The following ZFR variants were observed in gnomAD, a reference collection of about 807,000 sequenced individuals.
ZFR encodes the protein zinc finger RNA-binding protein.
ZFR carries 19 observed loss-of-function variants against 130.7 expected under a neutral mutation model. That is an observed-to-expected ratio of 0.15 (90% CI 0.10 to 0.21). The LOEUF (loss-of-function observed/expected upper bound fraction) is 0.21. ZFR is among the 10% of genes least tolerant of loss of function. The pLI is 1.00. For missense variants in ZFR, 872 were observed against 1,321.5 expected, an observed-to-expected ratio of 0.66 and a Z score of 5.27; for synonymous variants, 466 against 456.9, an observed-to-expected ratio of 1.02 and a Z score of -0.25.
chr5:32,365,334 T>C (rs2111664490), intron 17 of ZFR, among the ~76,000 whole-genome samples: 1 of 152,266 alleles, frequency 6.6e-6, no homozygotes, highest in Non-Finnish European at 1.5e-5. Context: ...AAAAACTGCG[T>C]CAACCTATTC....
At chr5:32,390,561 C>T (rs1272421432) in intron 11 of ZFR, 124 bp from the exon 12 acceptor site, 1 of 926,248 alleles carries the variant, frequency 1.1e-6, no homozygotes, top group Non-Finnish European at 1.5e-6. Context: ...AATTTCTTCC[C>T]AAATGTATCT....
chr5:32,398,890 A>C (rs552339484), intron 9 of ZFR, among the ~76,000 whole-genome samples: 27 of 152,104 alleles, frequency 1.8e-4, no homozygotes, highest in African/African-American at 6.5e-4. Context: ...GGCCTCCCAA[A>C]GTGCTGCAAT....
rs1460023900 is a variant in ZFR, at chr5:32,419,924, T to C, written c.317A>G (p.Tyr106Cys). The change falls in exon 3 of 20, where the codon TAT becomes TGT. Residue 106 changes from tyrosine (Y) to cysteine (C), a missense_variant. Transcript: ENST00000265069. The part of the protein sequence containing the change: ...AVAAAATAAA[Y>C]GGYPTAHTAT... ...TGTGTGTGCAGTGGGGTAGCCTCCA[T>C]AAGCAGCAGCTGTTGCAGCAGCTGC... 1.2e-6 allele frequency: 2 copies of C among 1,613,896 alleles called. No homozygotes were observed. Among genetic ancestry groups the C allele is most frequent in the Non-Finnish European group, 1.7e-6 (2 of 1,179,940 alleles).
intron 17 of ZFR, among the ~76,000 whole-genome samples, chr5:32,375,390 A>G (rs536724823): frequency 1.3e-5 from 2 of 152,240 alleles, no homozygotes; most frequent in Non-Finnish European, 2.9e-5. Flanking sequence ...TACAATCAGT[A>G]ACGTATCATA....
intron 2 of ZFR, among the ~76,000 whole-genome samples, chr5:32,426,060 A>C (rs1422876672): frequency 2.6e-5 from 4 of 152,220 alleles, no homozygotes; most frequent in Admixed American, 6.5e-5. Context: ...GAAATTGCTT[A>C]ATTCATTAAT....
At chr5:32,389,978 C>CT (rs1247257475) in intron 12 of ZFR, among the ~76,000 whole-genome samples, 2 of 152,128 alleles carry the variant, frequency 1.3e-5, no homozygotes, top group African/African-American at 2.4e-5. Flanking sequence ...TGGCGAAACT[C>CT]TATCTCTACT....
intron 17 of ZFR, 68 bp downstream of exon 17, chr5:32,379,047 C>T (rs1752884923): frequency 1.7e-6 from 2 of 1,201,254 alleles, no homozygotes; most frequent in African/African-American, 3.0e-5. Context: ...TACATGTAAA[C>T]TGAGAGGATA....
At position 32,399,864 on chromosome 5, in the gene ZFR, T is replaced by A. The variant is rs111327045; in HGVS notation, c.1713+143A>T. 3,950 of 766,116 alleles carry A rather than the reference T, an allele frequency of 5.2e-3. 117 individuals carry two copies. The African/African-American group carries it at 0.065, about 13-fold the overall frequency. 47.5% of individuals were successfully genotyped at this position (766,116 alleles called of 1,614,324 possible). A position where few individuals can be genotyped will look rare whatever the true frequency, so the allele number is the denominator to read the frequency against. ...CAGGCTTAAAGGACATGCTTTCTTA[T>A]AACAAAGATTCCTTTAATATTCTTT... On this transcript the variant is annotated intron_variant, in intron 9 of 19. Coordinates refer to ENST00000265069, the MANE Select transcript of ZFR (RefSeq NM_016107.5).
rs769971289 is a variant in ZFR at position 32,391,544 on chromosome 5, T to C, written c.1980-1107A>G. On this transcript the variant is annotated intron_variant, in intron 11 of 19. Coordinates refer to ENST00000265069, the MANE Select transcript of ZFR (RefSeq NM_016107.5). ...TCTACTCTTTTTTTTTTTTTTTTTTTACCATCTCCTCCCCTCTGCCCTCCC... is the reference window on the plus strand; with the variant it reads ...TCTACTCTTTTTTTTTTTTTTTTTTCACCATCTCCTCCCCTCTGCCCTCCC... 2.5e-5 allele frequency among the ~76,000 whole-genome samples: 3 copies of C among 121,190 alleles called. No individual in the cohort carries two copies. In the South Asian group the frequency reaches 8.2e-4, roughly 33 times the overall value. 79.5% of individuals were successfully genotyped at this position (121,190 alleles called of 152,430 possible).
chr5:32,419,854 T>C lies in ZFR; in HGVS notation c.387A>G (p.Pro129=), dbSNP rs759353105. The part of the protein sequence containing the change: ...GYTQRQQEAP[P]PPPPATTQNY... ...TTTGTGTAGTAGCTGGGGGTGGTGG[T>C]GGTGGTGCTTCTTGTTGCCTCTGAG... The change falls in exon 3 of 20, where the codon CCA becomes CCG. Residue 129 remains proline, a synonymous_variant. Coordinates refer to ENST00000265069, the MANE Select transcript of ZFR (RefSeq NM_016107.5). The C allele has an allele frequency of 1.2e-6, 2 of 1,607,522 alleles. No homozygotes were observed. Among genetic ancestry groups the C allele is most frequent in the Non-Finnish European group, 1.7e-6 (2 of 1,174,732 alleles).
Position 32,400,105 on chromosome 5 carries a change from C to G in ZFR, c.1615G>C (p.Glu539Gln). 6.2e-7 allele frequency: 1 copy of G among 1,613,636 alleles called. No homozygotes were observed. Among genetic ancestry groups the G allele is most frequent in the Non-Finnish European group, 8.5e-7 (1 of 1,179,680 alleles). ...TPVTSAVQIP[E>Q]VKQDTVSEPV... The stretch of plus-strand genomic sequence containing the variant: ...TCTGACACTGTGTCTTGCTTTACTT[C>G]AGGAATCTGCACAGCAGAAGTGACA... The change falls in exon 9 of 20, where the codon GAA becomes CAA. Residue 539 changes from glutamate (E) to glutamine (Q), a missense_variant. This residue lies in a region of ZFR where 143 missense variants were observed against 137.9 expected (regional missense o/e 1.04). Coordinates refer to ENST00000265069, the MANE Select transcript of ZFR (RefSeq NM_016107.5).
At chr5:32,443,834 C>T (rs1293890209) in intron 2 of ZFR, among the ~76,000 whole-genome samples, 3 of 152,368 alleles carry the variant, frequency 2.0e-5, no homozygotes, top group Non-Finnish European at 4.4e-5. Context: ...CCTCTCCATC[C>T]CCCAAGTGGG....
chr5:32,429,382 T>C (rs982772600), intron 2 of ZFR, among the ~76,000 whole-genome samples: 3 of 152,118 alleles, frequency 2.0e-5, no homozygotes, highest in African/African-American at 7.2e-5. Flanking sequence ...TGACAGTTCT[T>C]AGGCACAAGA....
chr5:32,435,971 C>T (rs1754322777), intron 2 of ZFR, among the ~76,000 whole-genome samples: 1 of 152,060 alleles, frequency 6.6e-6, no homozygotes, highest in Non-Finnish European at 1.5e-5. Context: ...ATTAAAATTA[C>T]ACCAGTAACT....
At chr5:32,368,892 CACA>C (rs763847159) in intron 17 of ZFR, among the ~76,000 whole-genome samples, 8 of 152,174 alleles carry the variant, frequency 5.3e-5, no homozygotes, top group Middle Eastern at 6.8e-3. Flanking sequence ...TTATGAATAC[CACA>C]ACAATGGGCA....
At chr5:32,400,861 G>GTAA (rs1233253488) in intron 8 of ZFR, among the ~76,000 whole-genome samples, 2 of 152,084 alleles carry the variant, frequency 1.3e-5, no homozygotes, top group African/African-American at 4.8e-5. Context: ...AAAGTTGGGG[G>GTAA]TAACATCTAG....
intron 2 of ZFR, among the ~76,000 whole-genome samples, chr5:32,433,058 T>A (rs1374836853): frequency 2.0e-5 from 3 of 152,138 alleles, no homozygotes; most frequent in Non-Finnish European, 4.4e-5. Context: ...AACACTAGAA[T>A]AAGACAGCTT....
chr5:32,400,237 A>C (rs764415093), intron 8 of ZFR, 34 bp from the exon 9 acceptor site: 2 of 1,473,484 alleles, frequency 1.4e-6, no homozygotes, highest in Non-Finnish European at 9.0e-7. Context: ...AAAAAATTTT[A>C]TTTTTGTATA....
rs756866589 is a variant in ZFR, at chr5:32,403,281, T to C, written c.1341A>G (p.Ser447=). ...VSASKPTASP[S]SIAANNCTVN... ...CAGTACAATTGTTTGCTGCAATGCT[T>C]GAAGGAGAGGCAGTCGGCTTTGAAG... The change falls in exon 8 of 20, where the codon TCA becomes TCG. Residue 447 remains serine, a synonymous_variant. Coordinates refer to ENST00000265069, the MANE Select transcript of ZFR (RefSeq NM_016107.5). 1.2e-6 allele frequency: 2 copies of C among 1,614,174 alleles called. No individual in the cohort carries two copies. The highest frequency in any genetic ancestry group is 2.2e-5 in the East Asian group (1 of 44,880).
Sources: gnomAD v4.1 joint callset for allele counts (sites outside exome capture counted in the v4.1 genomes callset) on GRCh38, gnomAD v4.1.1 for gene constraint, gnomAD v4.1.1 regional missense constraint, MANE v1.5 for transcripts, NCBI Gene and HGNC (gene_info 2026-07-23, HGNC 2026-07-21) for gene names.